The following IKZF2 variants were observed in gnomAD, a reference collection of about 807,000 sequenced individuals.
IKZF2 encodes IKAROS family zinc finger 2, also known as zinc finger protein Helios.
In IKZF2, 15 loss-of-function variants were observed where a neutral mutation model predicts 49.2. That is an observed-to-expected ratio of 0.30 (90% CI 0.20 to 0.47). The LOEUF is 0.47. Among genes scored for constraint, IKZF2 ranks in the 20% least tolerant of loss-of-function variants. The pLI is 1.00. For missense variants in IKZF2, 567 were observed against 664.6 expected (o/e 0.85, Z 1.61); for synonymous variants, 227 against 221.4 (o/e 1.03, Z -0.23).
At chr2:213,105,300 C>G (rs1264022521) in intron 4 of IKZF2, among the ~76,000 whole-genome samples, 1 of 152,148 alleles carries the variant, frequency 6.6e-6, no homozygotes, top group Non-Finnish European at 1.5e-5. Context: ...ATCCAATCCT[C>G]TTCTCCCTTG....
At chr2:213,108,882 T>C (rs1019790424) in intron 4 of IKZF2, among the ~76,000 whole-genome samples, 1 of 152,096 alleles carries the variant, frequency 6.6e-6, no homozygotes, top group Non-Finnish European at 1.5e-5. Flanking sequence ...ATGACCACTA[T>C]TCACATTTGG....
At position 213,022,055 on chromosome 2, in the gene IKZF2, C is replaced by T. The variant is rs761824641; in HGVS notation, c.650G>A (p.Arg217His). Residue 217 changes from arginine (R) to histidine (H), a missense_variant, in exon 7 of 9, where the codon CGC becomes CAC. Physicochemically the swap from Arg to His is conservative, Grantham distance 29. Transcript: ENST00000434687. ...QRSSLEEHKE[R>H]CHNYLQNVSM... Reference sequence around the variant, plus strand: ...GACATTCTGGAGATAGTTGTGGCAGCGTTCCTTGTGCTCCTCCAGTGAACT... The same window carrying T: ...GACATTCTGGAGATAGTTGTGGCAGTGTTCCTTGTGCTCCTCCAGTGAACT... The T allele has an allele frequency of 3.1e-6, 5 of 1,613,834 alleles. No homozygotes were observed. In the Admixed American group the frequency reaches 5.0e-5, roughly 16 times the overall value.
In IKZF2 at chr2:213,005,316, T is replaced by C. The variant is rs1247408817; in HGVS notation, c.*2044A>G. The C allele has an allele frequency of 6.6e-6, 1 of 151,622 alleles. No homozygotes were observed. Among genetic ancestry groups the C allele is most frequent in the Non-Finnish European group, 1.5e-5 (1 of 67,890 alleles). The allele number at this position is 151,622 out of a possible 1,614,324, so 9.4% of individuals were successfully genotyped here. Reference sequence around the variant, plus strand: ...GACATTCTATATATCTCTGTTTTGGTGCATTCCCTTAGATTTAAAGGGGGC... The same window carrying C: ...GACATTCTATATATCTCTGTTTTGGCGCATTCCCTTAGATTTAAAGGGGGC... On this transcript the variant is annotated 3_prime_UTR_variant, in exon 9 of 9. Coordinates refer to ENST00000434687, the MANE Select transcript of IKZF2 (RefSeq NM_001387220.1).
intron 4 of IKZF2, among the ~76,000 whole-genome samples, chr2:213,072,695 A>G (rs1253251536): frequency 6.6e-6 from 1 of 152,144 alleles, no homozygotes; most frequent in African/African-American, 2.4e-5. Context: ...GCACCTTATC[A>G]AGCCTTGCAT....
intron 4 of IKZF2, among the ~76,000 whole-genome samples, chr2:213,091,862 A>G (rs1396818923): frequency 6.6e-6 from 1 of 151,856 alleles, no homozygotes; most frequent in Non-Finnish European, 1.5e-5. Flanking sequence ...TTTCCAATCC[A>G]TTCTGTGAAA....
intron 4 of IKZF2, among the ~76,000 whole-genome samples, chr2:213,063,740 T>C (rs578259341): frequency 6.6e-6 from 1 of 152,102 alleles, no homozygotes; most frequent in East Asian, 1.9e-4. Flanking sequence ...GAACTTGATA[T>C]CAATTCAAGA....
rs147563053 is a variant in IKZF2, at chr2:213,013,810, G to C, written c.837C>G (p.Ser279=). The C allele has an allele frequency of 1.9e-6, 3 of 1,610,608 alleles. No homozygotes were observed. The East Asian group carries it at 6.7e-5, about 36-fold the overall frequency. Reference sequence around the variant, plus strand: ...GCTTACCCACAAACTTTTGTGGAGTGGAGCTTTTACGTTTTCCCATATTCC... The same window carrying C: ...GCTTACCCACAAACTTTTGTGGAGTCGAGCTTTTACGTTTTCCCATATTCC... ...LTGNMGKRKS[S]TPQKFVGEKL... Residue 279 remains serine, a synonymous_variant, in exon 8 of 9, where the codon TCC becomes TCG. Transcript: ENST00000434687.
intron 4 of IKZF2, among the ~76,000 whole-genome samples, chr2:213,103,473 T>C (rs552763162): frequency 3.2e-4 from 49 of 152,292 alleles, no homozygotes; most frequent in South Asian, 1.2e-3. Flanking sequence ...AGTGGGCACT[T>C]ACTGAATGTA....
Position 213,056,853 on chromosome 2 carries a change from A to G in IKZF2, c.386T>C (p.Val129Ala). The change falls in exon 5 of 9, where the codon GTA (valine) becomes GCA (alanine). Residue 129 changes from valine (V) to alanine (A), a missense_variant. Val to Ala is a moderately conservative substitution (Grantham distance 64, BLOSUM62 0). Around this residue, in one of 5 missense-constraint regions of IKZF2, gnomAD observed 54 missense variants for 119.9 expected, o/e 0.45. Transcript: ENST00000434687. ...CTTACCAGTGTGACTCCTTTTATGT[A>G]CCATAAGCACATTGGGCCCAATGCA... The part of the protein sequence containing the change: ...MVCIGPNVLM[V>A]HKRSHTGERP... The G allele has an allele frequency of 6.2e-7, 1 of 1,613,848 alleles. No homozygotes were observed. Among genetic ancestry groups the G allele is most frequent in the South Asian group, 1.1e-5 (1 of 91,078 alleles).
intron 4 of IKZF2, among the ~76,000 whole-genome samples, chr2:213,141,001 C>T (rs2060846979): frequency 6.6e-6 from 1 of 151,814 alleles, no homozygotes; most frequent in Non-Finnish European, 1.5e-5. Flanking sequence ...CAAATTGTAC[C>T]CTGTGGGTGC....
rs919774447 is a variant in IKZF2, at chr2:213,000,599, A to T, written c.*6761T>A. On this transcript the variant is annotated 3_prime_UTR_variant, in exon 9 of 9. Coordinates refer to ENST00000434687, the MANE Select transcript of IKZF2 (RefSeq NM_001387220.1). ...CAGGGACACAGGTATAAAAAAAGAAAATTAGCACACTACATATAAATATGT... is the reference window on the plus strand; with the variant it reads ...CAGGGACACAGGTATAAAAAAAGAATATTAGCACACTACATATAAATATGT... The T allele has an allele frequency of 6.6e-6, 1 of 151,910 alleles. No homozygotes were observed. The highest frequency in any genetic ancestry group is 1.5e-5 in the Non-Finnish European group (1 of 67,640). 9.4% of individuals were successfully genotyped at this position (151,910 alleles called of 1,614,324 possible).
intron 4 of IKZF2, among the ~76,000 whole-genome samples, chr2:213,129,389 C>T (rs1181848259): frequency 1.3e-5 from 2 of 149,802 alleles, no homozygotes; most frequent in Non-Finnish European, 3.0e-5. Context: ...AAGAAGGAGG[C>T]TTTCATGCAA....
intron 1 of IKZF2, among the ~76,000 whole-genome samples, chr2:213,150,923 T>C (rs2061264601): frequency 6.6e-6 from 1 of 151,666 alleles, no homozygotes; most frequent in African/African-American, 2.4e-5. Flanking sequence ...TTTTTTTAAT[T>C]CCAACAGGAT....
chr2:213,126,512 A>T (rs954177987), intron 4 of IKZF2, among the ~76,000 whole-genome samples: 3 of 152,212 alleles, frequency 2.0e-5, no homozygotes, highest in Non-Finnish European at 2.9e-5. Context: ...CTGACCATAT[A>T]GAGTTGGTAA....
At chr2:213,124,249 C>CACGT (rs1559304273) in intron 4 of IKZF2, among the ~76,000 whole-genome samples, 3 of 100,624 alleles carry the variant, frequency 3.0e-5, no homozygotes, top group African/African-American at 1.7e-4. Context: ...CTCGCGCGCG[C>CACGT]GCGCACACAC....
At chr2:213,040,953 A>G (rs554749173) in intron 6 of IKZF2, among the ~76,000 whole-genome samples, 1 of 152,230 alleles carries the variant, frequency 6.6e-6, no homozygotes, top group East Asian at 1.9e-4. Flanking sequence ...CCCCGTCTCT[A>G]CTAAAAATAC....
chr2:213,035,672 C>G (rs541677243), intron 6 of IKZF2, among the ~76,000 whole-genome samples: 9 of 152,078 alleles, frequency 5.9e-5, no homozygotes. Flanking sequence ...AATAAAGAAA[C>G]CTCGGGTTGC....
intron 2 of IKZF2, 21 bp from the exon 3 acceptor site, chr2:213,148,665 C>A: frequency 6.3e-7 from 1 of 1,590,598 alleles, no homozygotes. Flanking sequence ...AAAGATTATA[C>A]CCTTAATACA....
chr2:213,136,232 G>A (rs1339980418), intron 4 of IKZF2, among the ~76,000 whole-genome samples: 3 of 149,548 alleles, frequency 2.0e-5, no homozygotes, highest in African/African-American at 4.9e-5. Flanking sequence ...TTAGCTGGAC[G>A]TGGTGATGGG....
Sources: allele counts gnomAD v4.1 joint callset (sites outside exome capture counted in the v4.1 genomes callset), GRCh38; gene constraint gnomAD v4.1.1; regional missense constraint gnomAD v4.1.1; transcripts MANE v1.5; gene names NCBI Gene and HGNC (gene_info 2026-07-23, HGNC 2026-07-21).